MCF2L2: variants seen among roughly 807,000 people sequenced by gnomAD.
The protein encoded by MCF2L2 is MCF.2 cell line derived transforming sequence-like 2.
A neutral mutation model predicts 150.2 loss-of-function variants in MCF2L2; 102 were observed. The observed-to-expected ratio is 0.68, with a 90% CI of 0.58 to 0.80. The LOEUF is 0.80. MCF2L2 is among the 30% of genes least tolerant of loss of function. The pLI is 0.00. For synonymous variants in MCF2L2, 465 were observed against 491.3 expected (o/e 0.95, Z 0.71); for missense variants, 1,256 against 1,372.8 (o/e 0.91, Z 1.34).
At chr3:183,405,779 G>A (rs1715011481) in intron 1 of MCF2L2, among the ~76,000 whole-genome samples, 1 of 152,174 alleles carries the variant, frequency 6.6e-6, no homozygotes, top group Non-Finnish European at 1.5e-5. Flanking sequence ...GCAGTGGCGT[G>A]ATCTTGGCTC....
At chr3:183,348,830 A>G (rs780712837) in intron 3 of MCF2L2, among the ~76,000 whole-genome samples, 11 of 152,232 alleles carry the variant, frequency 7.2e-5, no homozygotes, top group Non-Finnish European at 1.5e-4. Flanking sequence ...AGAATCCTAA[A>G]TGTCTAAGCG....
chr3:183,276,746 A>T, intron 15 of MCF2L2, 126 bp downstream of exon 15: 1 of 597,436 alleles, frequency 1.7e-6, no homozygotes, highest in Non-Finnish European at 2.9e-6. Context: ...AATGAAGGTT[A>T]GTATAGAGGA....
At position 183,181,382 on chromosome 3, in the gene MCF2L2, CA is replaced by C. The variant is rs1721515308; in HGVS notation, c.3017-1224del. On this transcript the variant is annotated intron_variant, in intron 27 of 29. Transcript: ENST00000328913. This position sits in a 1 kb window ranked among gnomAD's most constrained non-coding sequence, Gnocchi z 4.3. ...CCTCTGAAATCCTGCCTGACTCTGGCAGGCTCCGAGGGGGCTGGACACCCTC... is the reference window on the plus strand; with the variant it reads ...CCTCTGAAATCCTGCCTGACTCTGGCGGCTCCGAGGGGGCTGGACACCCTC... 1.3e-5 allele frequency among the ~76,000 whole-genome samples: 2 copies of C among 152,054 alleles called. No individual in the cohort carries two copies. Among genetic ancestry groups the C allele is most frequent in the African/African-American group, 4.8e-5 (2 of 41,414 alleles).
intron 5 of MCF2L2, among the ~76,000 whole-genome samples, chr3:183,335,952 T>C (rs1730462070): frequency 1.3e-5 from 2 of 152,168 alleles, no homozygotes; most frequent in South Asian, 4.1e-4. Context: ...GGCCAAAGCG[T>C]TCGTCACCTC....
At chr3:183,291,578 C>T (rs1028269968) in intron 13 of MCF2L2, among the ~76,000 whole-genome samples, 3 of 152,214 alleles carry the variant, frequency 2.0e-5, no homozygotes, top group Admixed American at 1.3e-4. Flanking sequence ...AATTCCAGCT[C>T]TTAAGCCCCT....
At chr3:183,426,593 G>A (rs1225715423) in intron 1 of MCF2L2, among the ~76,000 whole-genome samples, 2 of 152,228 alleles carry the variant, frequency 1.3e-5, no homozygotes, top group East Asian at 1.9e-4. Context: ...GTCACACCCC[G>A]AGTCCACTGC....
chr3:183,195,379 T>A, intron 25 of MCF2L2, 124 bp from the exon 26 acceptor site: 1 of 637,644 alleles, frequency 1.6e-6, no homozygotes, highest in Non-Finnish European at 2.7e-6. Flanking sequence ...TATAAAGGTG[T>A]GTAGGTCTTG....
intron 15 of MCF2L2, among the ~76,000 whole-genome samples, chr3:183,243,371 T>G (rs1724115478): frequency 6.6e-6 from 1 of 152,198 alleles, no homozygotes; most frequent in Non-Finnish European, 1.5e-5. Context: ...ATCAATGCCC[T>G]CATTTTAACA....
At chr3:183,325,293 G>C (rs1729979283) in intron 5 of MCF2L2, among the ~76,000 whole-genome samples, 2 of 152,020 alleles carry the variant, frequency 1.3e-5, no homozygotes, top group South Asian at 4.2e-4. Flanking sequence ...AAAAGTGCCA[G>C]GTACTGGGGG....
chr3:183,234,707 T>TTTGTTA (rs774291171), intron 15 of MCF2L2, among the ~76,000 whole-genome samples: 2 of 113,906 alleles, frequency 1.8e-5, no homozygotes, highest in Non-Finnish European at 3.7e-5. Flanking sequence ...TTTTTTTTTT[T>TTTGTTA]TTATTATACT....
intron 15 of MCF2L2, among the ~76,000 whole-genome samples, chr3:183,247,675 A>ATAAC (rs1042814852): frequency 6.6e-6 from 1 of 152,190 alleles, no homozygotes; most frequent in Admixed American, 6.5e-5. Flanking sequence ...AAATAAATAA[A>ATAAC]TAATAACAAT....
At chr3:183,319,396 G>A (rs115154580) in intron 6 of MCF2L2, among the ~76,000 whole-genome samples, 3,318 of 152,284 alleles carry the variant, frequency 0.022, 62 homozygotes, top group Non-Finnish European at 0.028. Context: ...CCATGAGGGT[G>A]GGAATCAGCT....
intron 26 of MCF2L2, among the ~76,000 whole-genome samples, chr3:183,193,558 C>G (rs1428858712): frequency 6.6e-6 from 1 of 152,008 alleles, no homozygotes; most frequent in Non-Finnish European, 1.5e-5. Context: ...ACCATGTTGG[C>G]CAGGATGGTC....
At chr3:183,381,118 A>G (rs953449949) in intron 2 of MCF2L2, among the ~76,000 whole-genome samples, 1 of 152,142 alleles carries the variant, frequency 6.6e-6, no homozygotes, top group Non-Finnish European at 1.5e-5. Flanking sequence ...AGCTGCATGC[A>G]CCTCCCAAGT....
chr3:183,182,733 C>T (rs1393548252), intron 27 of MCF2L2: 1 of 152,282 alleles, frequency 6.6e-6, no homozygotes, highest in Non-Finnish European at 1.5e-5. Context: ...AGGTATCCCC[C>T]AGGGCTCCTG....
chr3:183,417,011 C>G (rs1392759797), intron 1 of MCF2L2, among the ~76,000 whole-genome samples: 1 of 146,224 alleles, frequency 6.8e-6, no homozygotes, highest in Non-Finnish European at 1.5e-5. Context: ...ACTCAGGAGG[C>G]TGAGGCAGGA....
intron 3 of MCF2L2, among the ~76,000 whole-genome samples, chr3:183,354,283 A>T (rs1321957398): frequency 1.3e-5 from 2 of 152,206 alleles, no homozygotes; most frequent in South Asian, 2.1e-4. Flanking sequence ...TTTTGAAATG[A>T]TCCCGCAAAG....
chr3:183,205,776 C>A (rs1426550337), intron 25 of MCF2L2, 100 bp downstream of exon 25: 2 of 884,072 alleles, frequency 2.3e-6, no homozygotes, highest in African/African-American at 1.7e-5. Flanking sequence ...GTTGTTTTCC[C>A]AGCAAACCAT....
At chr3:183,390,097 T>C (rs1714055329) in intron 1 of MCF2L2, among the ~76,000 whole-genome samples, 1 of 152,136 alleles carries the variant, frequency 6.6e-6, no homozygotes, top group Non-Finnish European at 1.5e-5. Context: ...ATGACCTCAT[T>C]ACGAAGGCAG....
Sources: allele counts gnomAD v4.1 joint callset (sites outside exome capture counted in the v4.1 genomes callset), GRCh38; gene constraint gnomAD v4.1.1; non-coding constraint Gnocchi (gnomAD v3.1); transcripts MANE v1.5; gene names NCBI Gene and HGNC (gene_info 2026-07-23, HGNC 2026-07-21).